Variants in STX18 observed in about 807,000 individuals in gnomAD.
STX18 encodes syntaxin-18.
In STX18, 40 loss-of-function variants were observed where a neutral mutation model predicts 50.1. The observed-to-expected ratio is 0.80, with a 90% CI of 0.62 to 1.04. The LOEUF (loss-of-function observed/expected upper bound fraction) is 1.04, where lower values mean the gene tolerates loss of function less well. STX18 is among the 50% of genes least tolerant of loss of function. STX18 has a pLI of 0.00. For missense variants in STX18, 410 were observed against 415.8 expected (o/e 0.99, Z 0.12); for synonymous variants, 158 against 151.8 (o/e 1.04, Z -0.30).
At chr4:4,467,106 T>C (rs929593519) in intron 2 of STX18, among the ~76,000 whole-genome samples, 1 of 152,082 alleles carries the variant, frequency 6.6e-6, no homozygotes, top group African/African-American at 2.4e-5. Flanking sequence ...AACATCAATC[T>C]TAGGTTTTAT....
chr4:4,456,959 T>C (rs1727109283), intron 5 of STX18, among the ~76,000 whole-genome samples: 2 of 152,090 alleles, frequency 1.3e-5, no homozygotes, highest in Non-Finnish European at 2.9e-5. Flanking sequence ...AACTTCCTCA[T>C]TTGTAAAATG....
intron 2 of STX18, among the ~76,000 whole-genome samples, chr4:4,459,820 G>A (rs768128216): frequency 5.3e-5 from 8 of 152,160 alleles, no homozygotes; most frequent in Non-Finnish European, 1.0e-4. Flanking sequence ...GAACAATGGC[G>A]CAGCTACTGA....
intron 1 of STX18, chr4:4,476,149 C>T (rs950748338): frequency 2.0e-5 from 3 of 152,182 alleles, no homozygotes; most frequent in African/African-American, 4.8e-5. Context: ...GATGGTCTAT[C>T]ATGGAAAAGA....
chr4:4,529,439 C>T (rs935070193), intron 1 of STX18, among the ~76,000 whole-genome samples: 1 of 151,710 alleles, frequency 6.6e-6, no homozygotes, highest in Non-Finnish European at 1.5e-5. Context: ...CCATATTTCC[C>T]CAAAAGTTAG....
chr4:4,502,280 G>A (rs1380772246), intron 1 of STX18, among the ~76,000 whole-genome samples: 1 of 152,128 alleles, frequency 6.6e-6, no homozygotes, highest in Non-Finnish European at 1.5e-5. Context: ...TAAAGAATTT[G>A]AGTGGAACCT....
chr4:4,427,849 C>T (rs1349455459), intron 7 of STX18, among the ~76,000 whole-genome samples: 4 of 152,206 alleles, frequency 2.6e-5, no homozygotes, highest in Non-Finnish European at 5.9e-5. Flanking sequence ...AATTTCCTTC[C>T]ACCCCACCTG....
At chr4:4,422,752 T>G (rs947922752) in intron 9 of STX18, among the ~76,000 whole-genome samples, 3 of 152,192 alleles carry the variant, frequency 2.0e-5, no homozygotes, top group Admixed American at 6.5e-5. Flanking sequence ...CAAACCACTG[T>G]TAGACTTAAT....
chr4:4,438,315 T>G, intron 6 of STX18, 79 bp downstream of exon 6: 1 of 1,071,550 alleles, frequency 9.3e-7, no homozygotes, highest in South Asian at 1.4e-5. Context: ...GAGACTGTGC[T>G]ACTTCGTTCC....
At chr4:4,460,344 A>T (rs1727314691) in intron 2 of STX18, among the ~76,000 whole-genome samples, 1 of 152,172 alleles carries the variant, frequency 6.6e-6, no homozygotes, top group Admixed American at 6.5e-5. Flanking sequence ...TATGCTTGAT[A>T]CACAGCTACG....
At chr4:4,444,349 T>G (rs532309349) in intron 5 of STX18, among the ~76,000 whole-genome samples, 28 of 152,248 alleles carry the variant, frequency 1.8e-4, no homozygotes, top group African/African-American at 6.7e-4. Flanking sequence ...TTAACAGGGG[T>G]CTGGCATGAC....
intron 1 of STX18, among the ~76,000 whole-genome samples, chr4:4,532,127 C>T (rs562625479): frequency 1.3e-5 from 2 of 152,248 alleles, no homozygotes; most frequent in South Asian, 4.1e-4. Flanking sequence ...CCTCTCTACT[C>T]CCCCAAGGAA....
intron 2 of STX18, among the ~76,000 whole-genome samples, chr4:4,462,171 C>G (rs1727413599): frequency 6.6e-6 from 1 of 152,140 alleles, no homozygotes; most frequent in African/African-American, 2.4e-5. Flanking sequence ...CTTTCTTTCT[C>G]CCTCCTCCCA....
intron 1 of STX18, among the ~76,000 whole-genome samples, chr4:4,538,992 A>C (rs958816140): frequency 1.3e-5 from 2 of 152,170 alleles, no homozygotes; most frequent in Admixed American, 6.5e-5. Context: ...AATTTAGTAA[A>C]ATTGAGCATA....
At chr4:4,537,271 G>C (rs574302337) in intron 1 of STX18, among the ~76,000 whole-genome samples, 3 of 152,316 alleles carry the variant, frequency 2.0e-5, no homozygotes, top group African/African-American at 7.2e-5. Flanking sequence ...AAGACAGCCA[G>C]GCAGGCAAGG....
In STX18 at chr4:4,434,764, C is replaced by T. The variant is rs758980052; in HGVS notation, c.702+6G>A. 2 of 1,600,106 alleles carry T rather than the reference C, an allele frequency of 1.2e-6. No individual in the cohort carries two copies. Among genetic ancestry groups the T allele is most frequent in the South Asian group, 2.3e-5 (2 of 87,530 alleles). ...AAATAAATAATTAGGCAGAGAATAG[C>T]ATTACCATTTGTATTTCTTCTGGGG... On this transcript the variant is annotated splice_donor_region_variant and intron_variant, in intron 7 of 10. Coordinates refer to ENST00000306200, the MANE Select transcript of STX18 (RefSeq NM_016930.4).
At chr4:4,481,338 T>C (rs1278481031) in intron 1 of STX18, among the ~76,000 whole-genome samples, 1 of 152,210 alleles carries the variant, frequency 6.6e-6, no homozygotes, top group Non-Finnish European at 1.5e-5. Context: ...AAAGACCTGA[T>C]TGATTATGGA....
At chr4:4,445,395 A>C (rs1726339008) in intron 5 of STX18, among the ~76,000 whole-genome samples, 1 of 152,136 alleles carries the variant, frequency 6.6e-6, no homozygotes, top group Non-Finnish European at 1.5e-5. Flanking sequence ...AACAAGAACG[A>C]AACTACGTCT....
chr4:4,433,133 G>A (rs73086211), intron 7 of STX18, among the ~76,000 whole-genome samples: 4 of 152,272 alleles, frequency 2.6e-5, no homozygotes, highest in South Asian at 2.1e-4. Context: ...GTTTTTGTGC[G>A]TCATTTTCTT....
intron 1 of STX18, among the ~76,000 whole-genome samples, chr4:4,522,091 G>A (rs1730533207): frequency 6.6e-6 from 1 of 152,052 alleles, no homozygotes; most frequent in Non-Finnish European, 1.5e-5. Context: ...TTTAGACATG[G>A]TTTTTATTTT....
Sources: gnomAD v4.1 joint callset for allele counts (sites outside exome capture counted in the v4.1 genomes callset) on GRCh38, gnomAD v4.1.1 for gene constraint, MANE v1.5 for transcripts, NCBI Gene and HGNC (gene_info 2026-07-23, HGNC 2026-07-21) for gene names.